The following GALNTL6 variants were observed in gnomAD, a reference collection of about 807,000 sequenced individuals.
GALNTL6 encodes polypeptide N-acetylgalactosaminyltransferase like 6.
A neutral mutation model predicts 73.7 loss-of-function variants in GALNTL6; 46 were observed. The ratio of observed to expected loss-of-function variants is 0.62; its 90% confidence interval spans 0.49 to 0.80. GALNTL6 has a LOEUF of 0.80. Among genes scored for constraint, GALNTL6 ranks in the 30% least tolerant of loss-of-function variants. GALNTL6 has a pLI of 0.00. For synonymous variants in GALNTL6, 259 were observed against 263.7 expected, an observed-to-expected ratio of 0.98 and a Z score of 0.17; for missense variants, 604 against 755.0, an observed-to-expected ratio of 0.80 and a Z score of 2.34.
intron 2 of GALNTL6, among the ~76,000 whole-genome samples, chr4:171,992,489 C>T (rs1178392152): frequency 6.6e-6 from 1 of 151,982 alleles, no homozygotes; most frequent in African/African-American, 2.4e-5. Flanking sequence ...TAATTGGATA[C>T]ATATGCTTGT....
At chr4:171,896,905 TG>T (rs1736933447) in intron 2 of GALNTL6, among the ~76,000 whole-genome samples, 1 of 152,082 alleles carries the variant, frequency 6.6e-6, no homozygotes, top group Non-Finnish European at 1.5e-5. Context: ...TTCTAAAATT[TG>T]TACAAACTAA....
intron 5 of GALNTL6, among the ~76,000 whole-genome samples, chr4:172,562,350 G>A (rs1057346071): frequency 6.6e-6 from 1 of 152,158 alleles, no homozygotes; most frequent in Non-Finnish European, 1.5e-5. Flanking sequence ...ATGTATTGAA[G>A]CTTCCAAAAT....
intron 5 of GALNTL6, among the ~76,000 whole-genome samples, chr4:172,461,032 C>A (rs147055026): frequency 7.2e-5 from 11 of 152,150 alleles, no homozygotes; most frequent in African/African-American, 2.7e-4. Flanking sequence ...GAATACTATG[C>A]AGCCATAAAA....
chr4:171,869,911 T>TA (rs960428252), intron 2 of GALNTL6, among the ~76,000 whole-genome samples: 1 of 152,182 alleles, frequency 6.6e-6, no homozygotes, highest in Non-Finnish European at 1.5e-5. Context: ...ACGAGTCCAT[T>TA]AAACCTCTTT....
At position 172,441,827 on chromosome 4, in the gene GALNTL6, G is replaced by A. The variant is rs183715034; in HGVS notation, c.553+93138G>A. ...CTACCCCAGCAAGTGCTACAGTAACGTGTATGGTGTATGAGGGAGCTAGGG... is the reference window on the plus strand; with the variant it reads ...CTACCCCAGCAAGTGCTACAGTAACATGTATGGTGTATGAGGGAGCTAGGG... On this transcript the variant is annotated intron_variant, in intron 5 of 12. Transcript: ENST00000506823. Among the ~76,000 whole-genome samples the A allele has an allele frequency of 2.3e-3, 343 of 152,232 alleles. 1 individual carries two copies. Among genetic ancestry groups the A allele is most frequent in the African/African-American group, 7.8e-3 (322 of 41,538 alleles).
At chr4:172,145,252 GC>G (rs1733899257) in intron 2 of GALNTL6, among the ~76,000 whole-genome samples, 1 of 151,958 alleles carries the variant, frequency 6.6e-6, no homozygotes, top group Admixed American at 6.6e-5. Context: ...CCATTCTCCT[GC>G]CTCAGCCTCC....
At chr4:172,587,008 CTACAAGGTTATTGCT>C (rs1737436750) in intron 5 of GALNTL6, among the ~76,000 whole-genome samples, 1 of 152,146 alleles carries the variant, frequency 6.6e-6, no homozygotes, top group African/African-American at 2.4e-5. Context: ...TTTTGATACG[CTACAAGGTTATTGCT>C]TACAAGCATA....
At chr4:172,700,413 A>G (rs993792486) in intron 5 of GALNTL6, among the ~76,000 whole-genome samples, 2 of 152,192 alleles carry the variant, frequency 1.3e-5, no homozygotes, top group African/African-American at 4.8e-5. Context: ...TAAGTAACTA[A>G]TGACCAAAGG....
rs536431552 is a variant in GALNTL6, at chr4:171,911,992, A to T, written c.138+97274A>T. On this transcript the variant is annotated intron_variant, in intron 2 of 12. Coordinates refer to ENST00000506823, the MANE Select transcript of GALNTL6 (RefSeq NM_001034845.3). Reference sequence around the variant, plus strand: ...TTAATCATCTAATAATAGGTTCTTGATATATCCATTTGTTGATGAGATAAT... The same window carrying T: ...TTAATCATCTAATAATAGGTTCTTGTTATATCCATTTGTTGATGAGATAAT... 2.8e-4 allele frequency among the ~76,000 whole-genome samples: 42 copies of T among 152,266 alleles called. No homozygotes were observed. The South Asian group carries it at 4.1e-3, about 15-fold the overall frequency.
In GALNTL6 at chr4:172,734,445, C is replaced by T. The variant is rs572287472; in HGVS notation, c.554-74916C>T. Among the ~76,000 whole-genome samples the T allele has an allele frequency of 2.2e-4, 33 of 152,184 alleles. 1 individual carries two copies. In the South Asian group the frequency reaches 5.4e-3, roughly 25 times the overall value. ...AGGGAATGGGTAAACAGACCTGTTCCAAATGGGAGAAATTGGCCAAAACAA... is the reference window on the plus strand; with the variant it reads ...AGGGAATGGGTAAACAGACCTGTTCTAAATGGGAGAAATTGGCCAAAACAA... On this transcript the variant is annotated intron_variant, in intron 5 of 12. Transcript: ENST00000506823.
rs1191387140 is a variant in GALNTL6, at chr4:172,312,451, A to G, written c.386+699A>G. 2.6e-5 allele frequency among the ~76,000 whole-genome samples: 4 copies of G among 151,644 alleles called. No individual in the cohort carries two copies. In the South Asian group the frequency reaches 6.2e-4, roughly 24 times the overall value. ...TTTCCTAATAGCATAAACACCACCA[A>G]AGGATACTAACTGAGAACATGGAAT... is the stretch of plus-strand genomic sequence containing the variant. On this transcript the variant is annotated intron_variant, in intron 4 of 12. Transcript: ENST00000506823.
chr4:172,885,364 T>C (rs967582181), intron 8 of GALNTL6, among the ~76,000 whole-genome samples: 2 of 152,206 alleles, frequency 1.3e-5, no homozygotes, highest in African/African-American at 4.8e-5. Flanking sequence ...TTTAAGCTAT[T>C]ATAAATGGGA....
intron 5 of GALNTL6, among the ~76,000 whole-genome samples, chr4:172,598,091 CT>C (rs1419051026): frequency 2.6e-5 from 4 of 152,048 alleles, no homozygotes; most frequent in Non-Finnish European, 4.4e-5. Flanking sequence ...GGCAAATTCC[CT>C]GGTCTTATTG....
intron 5 of GALNTL6, among the ~76,000 whole-genome samples, chr4:172,808,520 TTAGA>T (rs924817937): frequency 1.3e-5 from 2 of 152,180 alleles, no homozygotes; most frequent in African/African-American, 2.4e-5. Context: ...TCATAATGTC[TTAGA>T]TAGGGCAGAA....
At chr4:172,228,584 C>T (rs1736947649) in intron 2 of GALNTL6, among the ~76,000 whole-genome samples, 1 of 151,956 alleles carries the variant, frequency 6.6e-6, no homozygotes, top group Admixed American at 6.6e-5. Context: ...CTTGAAAAGG[C>T]TGTTAGAATA....
intron 2 of GALNTL6, among the ~76,000 whole-genome samples, chr4:171,991,082 G>A (rs1425476899): frequency 6.6e-6 from 1 of 152,046 alleles, no homozygotes; most frequent in East Asian, 1.9e-4. Flanking sequence ...CTACTCATAA[G>A]AGCCACATGA....
At chr4:172,431,726 A>T (rs759447426) in intron 5 of GALNTL6, among the ~76,000 whole-genome samples, 1 of 152,148 alleles carries the variant, frequency 6.6e-6, no homozygotes. Context: ...ATACAAACAT[A>T]TGCTCATAAA....
At chr4:171,991,279 A>G (rs1046340136) in intron 2 of GALNTL6, among the ~76,000 whole-genome samples, 9 of 152,176 alleles carry the variant, frequency 5.9e-5, no homozygotes, top group Non-Finnish European at 1.2e-4. Context: ...AGGTATGAAT[A>G]GGAAGGTGTT....
chr4:172,063,637 C>T (rs1731273547), intron 2 of GALNTL6, among the ~76,000 whole-genome samples: 1 of 152,096 alleles, frequency 6.6e-6, no homozygotes, highest in African/African-American at 2.4e-5. Flanking sequence ...AAGCAGGTCC[C>T]ATCTCCTCAA....
Sources: allele counts gnomAD v4.1 joint callset (sites outside exome capture counted in the v4.1 genomes callset), GRCh38; gene constraint gnomAD v4.1.1; transcripts MANE v1.5; gene names NCBI Gene and HGNC (gene_info 2026-07-23, HGNC 2026-07-21).